Variants in ADRA1A observed in about 807,000 individuals in gnomAD.
ADRA1A encodes adrenoceptor alpha 1A.
In ADRA1A, 31 loss-of-function variants were observed where a neutral mutation model predicts 29.6. That is an observed-to-expected ratio of 1.05 (90% CI 0.79 to 1.41). The LOEUF (loss-of-function observed/expected upper bound fraction) is 1.41. Ranked by LOEUF, ADRA1A falls within the 40% of genes most tolerant of loss-of-function variation. The probability of loss-of-function intolerance (pLI) is 0.00; values close to 1 mark genes in which losing one functional copy is unlikely to be tolerated. For missense variants in ADRA1A, 619 were observed against 601.1 expected (o/e 1.03, Z -0.31); for synonymous variants, 311 against 254.3 (o/e 1.22, Z -2.12).
chr8:26,758,060 TA>T (rs1419210219), intron 2 of ADRA1A, among the ~76,000 whole-genome samples: 21 of 152,312 alleles, frequency 1.4e-4, no homozygotes, highest in African/African-American at 4.8e-4. Context: ...ATCTTCAAAG[TA>T]GTGTAGTTTG....
At chr8:26,824,324 C>T (rs1481485916) in intron 2 of ADRA1A, among the ~76,000 whole-genome samples, 2 of 151,870 alleles carry the variant, frequency 1.3e-5, no homozygotes, top group African/African-American at 4.8e-5. Context: ...GATGGCAAAG[C>T]ATAGGAATTA....
In ADRA1A at chr8:26,770,462, G is replaced by C. The variant is rs1438457309; in HGVS notation, c.1088C>G (p.Pro363Arg). The C allele has an allele frequency of 6.2e-7, 1 of 1,614,108 alleles. No individual in the cohort carries two copies. The highest frequency in any genetic ancestry group is 2.2e-5 in the East Asian group (1 of 44,890). ...KHALGYTLHP[P>R]SQAVEGQHKD... ...GTGTTGCCCTTCCACGGCCTGGCTG[G>C]GCGGGTGCAGGGTGTAGCCCAGGGC... is the stretch of plus-strand genomic sequence containing the variant. The change falls in exon 3 of 3, where the codon CCC becomes CGC. Residue 363 changes from proline (P) to arginine (R), a missense_variant. Physicochemically the swap from Pro to Arg is moderately radical, Grantham distance 103 (BLOSUM62 -2). Transcript: ENST00000380573.
intron 2 of ADRA1A, among the ~76,000 whole-genome samples, chr8:26,789,295 A>G (rs949112917): frequency 6.6e-6 from 1 of 152,232 alleles, no homozygotes; most frequent in African/African-American, 2.4e-5. Flanking sequence ...ACAGCATGGT[A>G]CTGATGTAAA....
chr8:26,858,189 G>T (rs1327335493), intron 2 of ADRA1A, among the ~76,000 whole-genome samples: 1 of 152,204 alleles, frequency 6.6e-6, no homozygotes, highest in African/African-American at 2.4e-5. Flanking sequence ...TCAGCCCAAT[G>T]CTGCCTCCTT....
At chr8:26,838,905 C>T (rs1408086602) in intron 2 of ADRA1A, among the ~76,000 whole-genome samples, 1 of 152,174 alleles carries the variant, frequency 6.6e-6, no homozygotes. Context: ...GTCCCCTCAG[C>T]TCTGGAACCA....
At chr8:26,782,047 C>T (rs762319779) in intron 2 of ADRA1A, among the ~76,000 whole-genome samples, 8 of 152,224 alleles carry the variant, frequency 5.3e-5, no homozygotes, top group African/African-American at 9.6e-5. Context: ...GCCACTGGCT[C>T]ACCCAGAGGC....
At chr8:26,853,406 A>G (rs1342172362) in intron 2 of ADRA1A, among the ~76,000 whole-genome samples, 1 of 152,220 alleles carries the variant, frequency 6.6e-6, no homozygotes, top group East Asian at 1.9e-4. Context: ...TGGCAGAATG[A>G]ATGTACAATA....
intron 2 of ADRA1A, among the ~76,000 whole-genome samples, chr8:26,788,783 C>T (rs558225976): frequency 6.6e-5 from 10 of 152,170 alleles, no homozygotes; most frequent in South Asian, 2.1e-4. Flanking sequence ...CTGCTAACAC[C>T]GAATGCGCTA....
intron 2 of ADRA1A, among the ~76,000 whole-genome samples, chr8:26,771,337 TC>T (rs1341632929): frequency 1.3e-5 from 2 of 152,220 alleles, no homozygotes; most frequent in African/African-American, 4.8e-5. Flanking sequence ...CAGCCTCTGG[TC>T]TAACCAGCTT....
chr8:26,758,765 A>G (rs1327822638), intron 2 of ADRA1A, among the ~76,000 whole-genome samples: 1 of 152,226 alleles, frequency 6.6e-6, no homozygotes, highest in African/African-American at 2.4e-5. Flanking sequence ...CTAAGAGGTG[A>G]GCACAGGAGA....
At chr8:26,852,354 T>C (rs1287573043) in intron 2 of ADRA1A, among the ~76,000 whole-genome samples, 1 of 151,928 alleles carries the variant, frequency 6.6e-6, no homozygotes, top group Non-Finnish European at 1.5e-5. Context: ...AAGCAAAATA[T>C]AACCAGAAAA....
chr8:26,756,336 A>G (rs1423215998), downstream of ADRA1A: 5 of 839,538 alleles, frequency 6.0e-6, no homozygotes, highest in Non-Finnish European at 8.1e-6. Context: ...AACCCATAAA[A>G]GTTCCCCTTT....
rs1409793245 is a variant in ADRA1A, at chr8:26,775,727, C to T, written c.884-5061G>A. The stretch of plus-strand genomic sequence containing the variant: ...ACTGAGTTTCTTTCCACCATTTGGT[C>T]TGCTGCAGAATTTCTGCCTCTTTCC... On this transcript the variant is annotated intron_variant, in intron 2 of 2. Coordinates refer to ENST00000380573, the MANE Select transcript of ADRA1A (RefSeq NM_000680.4). This position sits in a 1 kb window ranked among gnomAD's most constrained non-coding sequence, Gnocchi z 4.1. Among the ~76,000 whole-genome samples, 3 of 152,206 alleles carry T rather than the reference C, an allele frequency of 2.0e-5. No individual in the cohort carries two copies. The highest frequency in any genetic ancestry group is 7.2e-5 in the African/African-American group (3 of 41,444).
At chr8:26,817,061 G>C (rs1809822494) in intron 2 of ADRA1A, among the ~76,000 whole-genome samples, 1 of 152,132 alleles carries the variant, frequency 6.6e-6, no homozygotes, top group Non-Finnish European at 1.5e-5. Flanking sequence ...ATGAAAAACT[G>C]TTATTTAAGA....
chr8:26,858,434 T>C (rs886206466), intron 2 of ADRA1A, among the ~76,000 whole-genome samples: 2 of 152,270 alleles, frequency 1.3e-5, no homozygotes, highest in African/African-American at 4.8e-5. Flanking sequence ...ATTTGAATTC[T>C]GGTAAGATGA....
chr8:26,861,670 T>C (rs1304321372), intron 2 of ADRA1A, among the ~76,000 whole-genome samples: 1 of 152,186 alleles, frequency 6.6e-6, no homozygotes, highest in African/African-American at 2.4e-5. Context: ...GAAAGGCTCA[T>C]ACTTCTCACT....
Position 26,866,022 on chromosome 8 carries a change from C to T in ADRA1A, c.-686-367G>A, listed in dbSNP as rs1044408557. 6.6e-6 allele frequency among the ~76,000 whole-genome samples: 1 copy of T among 152,208 alleles called. No individual in the cohort carries two copies. Among genetic ancestry groups the T allele is most frequent in the Non-Finnish European group, 1.5e-5 (1 of 68,038 alleles). ...GGGCGACTGCGGCTGGCGAGTGTGT[C>T]GCACGGATCCTAGCCGGGGAATTCT... On this transcript the variant is annotated intron_variant, in intron 1 of 2. Coordinates refer to ENST00000380573, the MANE Select transcript of ADRA1A (RefSeq NM_000680.4). This position sits in a 1 kb window ranked among gnomAD's most constrained non-coding sequence, Gnocchi z 5.7.
intron 2 of ADRA1A, among the ~76,000 whole-genome samples, chr8:26,817,207 A>G (rs1474310946): frequency 2.6e-5 from 4 of 152,266 alleles, no homozygotes; most frequent in Non-Finnish European, 5.9e-5. Flanking sequence ...ACAATTCAAT[A>G]AAAATAGAAT....
chr8:26,820,334 T>TCCTGG (rs1458190397), intron 2 of ADRA1A, among the ~76,000 whole-genome samples: 1 of 152,224 alleles, frequency 6.6e-6, no homozygotes. Context: ...ATAGATCATA[T>TCCTGG]ACTGGACCAC....
Sources: allele counts gnomAD v4.1 joint callset (sites outside exome capture counted in the v4.1 genomes callset), GRCh38; gene constraint gnomAD v4.1.1; non-coding constraint Gnocchi (gnomAD v3.1); transcripts MANE v1.5; gene names NCBI Gene and HGNC (gene_info 2026-07-23, HGNC 2026-07-21).